The following MAML2 variants were observed in gnomAD, a reference collection of about 807,000 sequenced individuals.
MAML2 encodes mastermind like transcriptional coactivator 2, also known as mastermind-like protein 2.
Under a neutral mutation model 96.1 loss-of-function variants are expected in MAML2, and 22 were observed. The observed-to-expected ratio is 0.23, with a 90% CI of 0.16 to 0.33. The LOEUF is 0.33. MAML2 is among the 10% of genes least tolerant of loss of function. The pLI is 1.00. For synonymous variants in MAML2, 561 were observed against 521.3 expected (o/e 1.08, Z -1.04); for missense variants, 1,367 against 1,392.4 (o/e 0.98, Z 0.29).
chr11:96,253,259 T>G (rs191624411), intron 1 of MAML2, among the ~76,000 whole-genome samples: 1 of 152,364 alleles, frequency 6.6e-6, no homozygotes, highest in East Asian at 1.9e-4. Context: ...AATCATCTTT[T>G]GATTTACTCT....
At chr11:96,174,935 G>A (rs149330963) in intron 1 of MAML2, among the ~76,000 whole-genome samples, 22 of 152,270 alleles carry the variant, frequency 1.4e-4, no homozygotes, top group South Asian at 8.3e-4. Flanking sequence ...TTCTTGGAGC[G>A]CAGAAACCCT....
At position 96,018,180 on chromosome 11, in the gene MAML2, T is replaced by C. The variant is rs957337126; in HGVS notation, c.2140-26457A>G. ...ATAGGGAAGTATAGAGTTATCATTTTCTGAGATGGGAAAGACTGTGAAACA... is the reference window on the plus strand; with the variant it reads ...ATAGGGAAGTATAGAGTTATCATTTCCTGAGATGGGAAAGACTGTGAAACA... On this transcript the variant is annotated intron_variant, in intron 2 of 4. Coordinates refer to ENST00000524717, the MANE Select transcript of MAML2 (RefSeq NM_032427.4). 3.3e-5 allele frequency among the ~76,000 whole-genome samples: 5 copies of C among 152,184 alleles called. No individual in the cohort carries two copies. In the South Asian group the frequency reaches 1.0e-3, roughly 32 times the overall value.
intron 1 of MAML2, among the ~76,000 whole-genome samples, chr11:96,311,370 T>C (rs998589222): frequency 2.0e-5 from 3 of 152,248 alleles, no homozygotes; most frequent in Admixed American, 2.0e-4. Context: ...TTATCTAAGA[T>C]ATTTCTGCAA....
intron 1 of MAML2, among the ~76,000 whole-genome samples, chr11:96,186,830 C>T (rs773495503): frequency 5.9e-5 from 9 of 152,308 alleles, no homozygotes; most frequent in Non-Finnish European, 1.3e-4. Context: ...GCTTTAGAGC[C>T]GGGCCCCTTA....
At chr11:96,023,127 C>G (rs921621273) in intron 2 of MAML2, among the ~76,000 whole-genome samples, 6 of 152,262 alleles carry the variant, frequency 3.9e-5, no homozygotes, top group African/African-American at 1.4e-4. Context: ...CTGCAGTGGG[C>G]AGGCTGGAAT....
intron 1 of MAML2, among the ~76,000 whole-genome samples, chr11:96,236,574 G>A (rs1174877222): frequency 2.6e-5 from 4 of 152,208 alleles, no homozygotes; most frequent in Admixed American, 6.5e-5. Context: ...ATATGCATAC[G>A]TGGAATTTAG....
At chr11:96,250,232 A>G (rs977119018) in intron 1 of MAML2, among the ~76,000 whole-genome samples, 22 of 151,426 alleles carry the variant, frequency 1.5e-4, no homozygotes, top group African/African-American at 5.1e-4. Context: ...TTTTATTTAA[A>G]AAAATGTTTA....
At chr11:96,082,549 T>G (rs920348959) in intron 2 of MAML2, among the ~76,000 whole-genome samples, 23 of 152,108 alleles carry the variant, frequency 1.5e-4, no homozygotes, top group Non-Finnish European at 2.6e-4. Flanking sequence ...CAAAAGGCAT[T>G]CATAGGGAGG....
At chr11:95,985,388 T>C in intron 4 of MAML2, 143 bp downstream of exon 4, 1 of 579,896 alleles carries the variant, frequency 1.7e-6, no homozygotes, top group Non-Finnish European at 3.0e-6. Context: ...TATTTAACTG[T>C]AGTCTTGGCA....
chr11:96,259,487 TAC>T (rs111578364), intron 1 of MAML2, among the ~76,000 whole-genome samples: 10,915 of 152,284 alleles, frequency 0.072, 684 homozygotes, highest in African/African-American at 0.18. Flanking sequence ...GAAGCATTTA[TAC>T]AGAGAGGTGT....
At chr11:96,291,145 G>C (rs1226511878) in intron 1 of MAML2, among the ~76,000 whole-genome samples, 13 of 57,890 alleles carry the variant, frequency 2.2e-4, no homozygotes, top group Non-Finnish European at 3.1e-5. Flanking sequence ...TTTTTTTTGA[G>C]ATGTAGTTTC....
At chr11:96,254,204 A>G (rs561647601) in intron 1 of MAML2, among the ~76,000 whole-genome samples, 1 of 152,326 alleles carries the variant, frequency 6.6e-6, no homozygotes, top group South Asian at 2.1e-4. Context: ...TACCAGACCT[A>G]TGCAAATAGT....
intron 2 of MAML2, among the ~76,000 whole-genome samples, chr11:96,088,643 G>A (rs552715829): frequency 6.6e-6 from 1 of 152,278 alleles, no homozygotes; most frequent in African/African-American, 2.4e-5. Flanking sequence ...TAGACATTTT[G>A]TAAAACACCA....
In MAML2 at chr11:96,342,628, G is replaced by C. The variant is rs1864014766; in HGVS notation, c.-733C>G. ...GGATGTTGTCTTCTCCCAAAAGAGGGAGACAGCTTTTCAACTGTTAACAAT... is the reference window on the plus strand; with the variant it reads ...GGATGTTGTCTTCTCCCAAAAGAGGCAGACAGCTTTTCAACTGTTAACAAT... On this transcript the variant is annotated 5_prime_UTR_variant, in exon 1 of 5. Coordinates refer to ENST00000524717, the MANE Select transcript of MAML2 (RefSeq NM_032427.4). The C allele has an allele frequency of 7.7e-6, 3 of 389,488 alleles. No homozygotes were observed. The highest frequency in any genetic ancestry group is 1.4e-5 in the Non-Finnish European group (3 of 220,982). 24.1% of individuals were successfully genotyped at this position (389,488 alleles called of 1,614,324 possible). A position where few individuals can be genotyped will look rare whatever the true frequency, so the allele number is the denominator to read the frequency against.
intron 1 of MAML2, among the ~76,000 whole-genome samples, chr11:96,221,037 A>C (rs911655060): frequency 7.9e-5 from 12 of 152,208 alleles, no homozygotes; most frequent in African/African-American, 2.7e-4. Flanking sequence ...TTTATTCAAC[A>C]AGTATTTATT....
In MAML2 at chr11:95,979,684, G is replaced by T. The variant is rs772979253; in HGVS notation, c.2735C>A (p.Pro912His). ...GTTATTATTACTTGGCCCTAAGGTA[G>T]GTGGCCGTGGCATCATAGGGTTGTT... is the stretch of plus-strand genomic sequence containing the variant. ...NQNNPMMPRP[P>H]TLGPSNNNNV... The change falls in exon 5 of 5, where the codon CCT (proline) becomes CAT (histidine). Residue 912 changes from proline (P) to histidine (H), a missense_variant. Pro to His is a moderately conservative substitution (Grantham distance 77). Transcript: ENST00000524717. The T allele has an allele frequency of 6.2e-7, 1 of 1,613,936 alleles. No individual in the cohort carries two copies. The highest frequency in any genetic ancestry group is 2.2e-5 in the East Asian group (1 of 44,882).
chr11:96,030,172 C>G (rs1463132079), intron 2 of MAML2, among the ~76,000 whole-genome samples: 1 of 151,676 alleles, frequency 6.6e-6, no homozygotes, highest in Admixed American at 6.6e-5. Context: ...GGAGGCGGAG[C>G]TTGCAGTGAG....
chr11:96,197,426 G>C (rs1042927628), intron 1 of MAML2, among the ~76,000 whole-genome samples: 5 of 152,058 alleles, frequency 3.3e-5, no homozygotes, highest in African/African-American at 1.2e-4. Flanking sequence ...ACTCTTTGGG[G>C]GCTGGGAGGC....
chr11:96,018,717 C>T (rs1280918347), intron 2 of MAML2, among the ~76,000 whole-genome samples: 1 of 152,196 alleles, frequency 6.6e-6, no homozygotes, highest in Non-Finnish European at 1.5e-5. Flanking sequence ...TTGCCTCAGC[C>T]TCCCAAGTGG....
Sources: gnomAD v4.1 joint callset for allele counts (sites outside exome capture counted in the v4.1 genomes callset) on GRCh38, gnomAD v4.1.1 for gene constraint, MANE v1.5 for transcripts, NCBI Gene and HGNC (gene_info 2026-07-23, HGNC 2026-07-21) for gene names.